The following BBS2 variants were observed in gnomAD, a reference collection of about 807,000 sequenced individuals.
The protein encoded by BBS2 is BBSome complex member BBS2.
In BBS2, 62 loss-of-function variants were observed where a neutral mutation model predicts 83.0. That is an observed-to-expected ratio of 0.75 (90% confidence interval 0.61 to 0.92). The LOEUF (loss-of-function observed/expected upper bound fraction) is 0.92, where lower values mean the gene tolerates loss of function less well. Among genes scored for constraint, BBS2 ranks in the 40% least tolerant of loss-of-function variants. BBS2 has a pLI of 0.00. For synonymous variants in BBS2, 303 were observed against 326.1 expected, an observed-to-expected ratio of 0.93 and a Z score of 0.76; for missense variants, 784 against 901.0, an observed-to-expected ratio of 0.87 and a Z score of 1.66.
chr16:56,518,216 T>C (rs1425936096), intron 1 of BBS2, among the ~76,000 whole-genome samples: 1 of 152,234 alleles, frequency 6.6e-6, no homozygotes, highest in East Asian at 1.9e-4. Context: ...AAATGAAGCC[T>C]TATTTTTTAC....
At chr16:56,508,106 A>T (rs1964473325) in intron 5 of BBS2, among the ~76,000 whole-genome samples, 1 of 152,226 alleles carries the variant, frequency 6.6e-6, no homozygotes, top group South Asian at 2.1e-4. Flanking sequence ...GTGAATATAT[A>T]AAAAGTATAG....
chr16:56,502,480 A>G, intron 8 of BBS2, 24 bp from the exon 9 acceptor site: 1 of 1,614,168 alleles, frequency 6.2e-7, no homozygotes, highest in Non-Finnish European at 8.5e-7. Flanking sequence ...AAAAACCGCA[A>G]GTATAACCAG....
At chr16:56,475,064 A>C in intron 17 of BBS2, 511 of 1,056,572 alleles carry the variant, frequency 4.8e-4, no homozygotes, top group Middle Eastern at 1.2e-3. Flanking sequence ...TCAGAATCTC[A>C]CATCATGGGA....
chr16:56,470,881 A>C, intron 17 of BBS2: 1 of 1,300,400 alleles, frequency 7.7e-7, no homozygotes, highest in Non-Finnish European at 1.0e-6. Flanking sequence ...TTGAGCATCT[A>C]CTGTGCCCTA....
intron 15 of BBS2, among the ~76,000 whole-genome samples, chr16:56,495,786 GTGTGTATATATATGTA>G: frequency 6.7e-6 from 1 of 149,424 alleles, no homozygotes; most frequent in Non-Finnish European, 1.5e-5. Flanking sequence ...GTGTGTGTGT[GTGTGTATATATATGTA>G]TATATATATA....
rs542592755 is a variant in BBS2 at position 56,506,304 on chromosome 16, C to T, written c.613-80G>A. The T allele has an allele frequency of 5.8e-5, 60 of 1,035,482 alleles. 1 individual carries two copies. The highest frequency in any genetic ancestry group is 6.3e-5 in the Non-Finnish European group (42 of 669,746). The allele number at this position is 1,035,482 out of a possible 1,614,324, so 64.1% of individuals were successfully genotyped here. On this transcript the variant is annotated intron_variant, in intron 5 of 16. Coordinates refer to ENST00000245157, the MANE Select transcript of BBS2 (RefSeq NM_031885.5). The stretch of plus-strand genomic sequence containing the variant: ...TCAAGTACGGCTTTATAAGACTTCA[C>T]ACTCCTTGTTACAACTATGTTAAAA...
rs1324457721 is a variant in BBS2 at position 56,499,797 on chromosome 16, A to G, written c.1508T>C (p.Ile503Thr). 3 of 1,614,204 alleles carry G rather than the reference A, an allele frequency of 1.9e-6. No individual in the cohort carries two copies. Among genetic ancestry groups the G allele is most frequent in the African/African-American group, 1.3e-5 (1 of 75,066 alleles). ...ACTCACCCTCTGTGCCCGTTCTGCA[A>G]TGGTAAAGTTAACATAACTGATTGG... is the stretch of plus-strand genomic sequence containing the variant. ...SEPISYVNFT[I>T]AERAQRVVVW... is the part of the protein sequence containing the mutation. Residue 503 changes from isoleucine to threonine, a missense_variant, in exon 12 of 17, where the codon ATT (isoleucine) becomes ACT (threonine). By Grantham distance (89) the Ile-to-Thr change is moderately conservative. Transcript: ENST00000245157.
chr16:56,499,620 T>C, intron 12 of BBS2, 158 bp downstream of exon 12: 1 of 917,438 alleles, frequency 1.1e-6, no homozygotes, highest in South Asian at 1.4e-5. Flanking sequence ...GCAATATTTT[T>C]ATTACAGGTT....
At chr16:56,475,105 G>A (rs1444986603) in intron 17 of BBS2, among the ~76,000 whole-genome samples, 1 of 152,156 alleles carries the variant, frequency 6.6e-6, no homozygotes, top group African/African-American at 2.4e-5. Flanking sequence ...TACGGGTCAT[G>A]AATTCCAGTC....
At chr16:56,498,292 A>G (rs1390221214) in intron 13 of BBS2, 145 bp downstream of exon 13, 2 of 1,067,928 alleles carry the variant, frequency 1.9e-6, no homozygotes, top group Admixed American at 4.8e-5. Context: ...TGGTTTTATG[A>G]CCTTGACATT....
intron 16 of BBS2, among the ~76,000 whole-genome samples, chr16:56,485,218 C>T (rs1048596904): frequency 6.6e-6 from 1 of 152,084 alleles, no homozygotes; most frequent in African/African-American, 2.4e-5. Context: ...TCCTATTGTT[C>T]TTTTCTAAAT....
At chr16:56,472,961 T>C (rs1165398421) in intron 17 of BBS2, among the ~76,000 whole-genome samples, 1 of 151,964 alleles carries the variant, frequency 6.6e-6, no homozygotes, top group Non-Finnish European at 1.5e-5. Context: ...AGACAGAGTC[T>C]CGCTCTGTTG....
Position 56,499,787 on chromosome 16 carries a change from C to T in BBS2, c.1518G>A (p.Arg506=). The change falls in exon 12 of 17, where the codon CGG becomes CGA. Residue 506 remains arginine, a synonymous_variant. Transcript: ENST00000245157. ...AAAGCGAGATACTCACCCTCTGTGC[C>T]CGTTCTGCAATGGTAAAGTTAACAT... ...ISYVNFTIAE[R]AQRVVVWLGQ... The T allele has an allele frequency of 6.2e-7, 1 of 1,614,072 alleles. No homozygotes were observed. The highest frequency in any genetic ancestry group is 8.5e-7 in the Non-Finnish European group (1 of 1,179,980).
chr16:56,476,004 G>A (rs764556482), intron 17 of BBS2: 10 of 1,556,440 alleles, frequency 6.4e-6, no homozygotes, highest in Admixed American at 5.7e-5. Context: ...TTGAGAATAA[G>A]TTCTGTGTTC....
chr16:56,500,971 C>T lies in BBS2; in HGVS notation c.1280G>A (p.Ser427Asn), dbSNP rs1255992217. 1 of 1,614,028 alleles carries T rather than the reference C, an allele frequency of 6.2e-7. No homozygotes were observed. The highest frequency in any genetic ancestry group is 8.5e-7 in the Non-Finnish European group (1 of 1,180,020). The change falls in exon 11 of 17, where the codon AGC becomes AAC. Residue 427 changes from serine (S) to asparagine (N), a missense_variant. Transcript: ENST00000245157. The stretch of plus-strand genomic sequence containing the variant: ...GTGAATGCTGGGATGTACCACGTGG[C>T]TTTCACCTGTAAAAATTCCTTCTGC... ...IFAEGIFTGE[S>N]HVVHPSIHNL... is the part of the protein sequence containing the mutation.
At chr16:56,487,342 A>G (rs1963812259) in intron 15 of BBS2, among the ~76,000 whole-genome samples, 8 of 152,334 alleles carry the variant, frequency 5.3e-5, no homozygotes, top group Non-Finnish European at 1.5e-5. Flanking sequence ...CAATTTACAG[A>G]TGATACAAGA....
At chr16:56,483,279 T>G (rs1327256104), downstream of BBS2, among the ~76,000 whole-genome samples, 2 of 152,188 alleles carry the variant, frequency 1.3e-5, no homozygotes, top group Non-Finnish European at 2.9e-5. Context: ...CTAAACTTCA[T>G]TATCTGGTAC....
chr16:56,517,306 T>C (rs1421789989), intron 1 of BBS2, among the ~76,000 whole-genome samples: 2 of 152,264 alleles, frequency 1.3e-5, no homozygotes. Flanking sequence ...AGTTCCTATA[T>C]GATCTGGCTT....
Position 56,501,485 on chromosome 16 carries a change from T to C in BBS2, c.1093A>G (p.Ser365Gly). 1 of 1,614,184 alleles carries C rather than the reference T, an allele frequency of 6.2e-7. No homozygotes were observed. Among genetic ancestry groups the C allele is most frequent in the Non-Finnish European group, 8.5e-7 (1 of 1,180,020 alleles). Residue 365 changes from serine (S) to glycine (G), a missense_variant, in exon 10 of 17, where the codon AGT becomes GGT. By Grantham distance (56) the Ser-to-Gly change is moderately conservative (BLOSUM62 0). Coordinates refer to ENST00000245157, the MANE Select transcript of BBS2 (RefSeq NM_031885.5). ...YEENAKAELA[S>G]PLNEADGHRG... ...TGCCCATCAGCCTCGTTCAGTGGAC[T>C]GGCCAATTCAGCCTGCAAAACACCC... is the stretch of plus-strand genomic sequence containing the variant.
Sources: gnomAD v4.1 joint callset for allele counts (sites outside exome capture counted in the v4.1 genomes callset) on GRCh38, gnomAD v4.1.1 for gene constraint, MANE v1.5 for transcripts, NCBI Gene and HGNC (gene_info 2026-07-23, HGNC 2026-07-21) for gene names.